The following LAPTM4A variants were observed in gnomAD, a reference collection of about 807,000 sequenced individuals.
LAPTM4A encodes the protein lysosomal protein transmembrane 4 alpha.
LAPTM4A carries 19 observed loss-of-function variants against 29.9 expected under a neutral mutation model. The observed-to-expected ratio is 0.64, with a 90% CI of 0.44 to 0.93. The LOEUF (loss-of-function observed/expected upper bound fraction) is 0.93, where lower values mean the gene tolerates loss of function less well. LAPTM4A is among the 40% of genes least tolerant of loss of function. LAPTM4A has a pLI of 0.00. For synonymous variants in LAPTM4A, 105 were observed against 102.1 expected, an observed-to-expected ratio of 1.03 and a Z score of -0.17; for missense variants, 293 against 288.5, an observed-to-expected ratio of 1.02 and a Z score of -0.11.
chr2:20,037,433 T>C lies in LAPTM4A; in HGVS notation c.315A>G (p.Gln105=). The change falls in exon 4 of 7, where the codon CAA becomes CAG. Residue 105 remains glutamine, a synonymous_variant. Coordinates refer to ENST00000175091, the MANE Select transcript of LAPTM4A (RefSeq NM_014713.5). ...SMLVYGAISY[Q]VGWLIPFFCY... is the part of the protein sequence containing the mutation. ...AGAAGAATGGAATCAGCCAACCCAC[T>C]TGATACTGGAGAAAAAATAACAACC... is the stretch of plus-strand genomic sequence containing the variant. 1 of 1,608,618 alleles carries C rather than the reference T, an allele frequency of 6.2e-7. No homozygotes were observed. The highest frequency in any genetic ancestry group is 8.5e-7 in the Non-Finnish European group (1 of 1,178,562).
intron 5 of LAPTM4A, 64 bp from the exon 6 acceptor site, chr2:20,034,479 C>T: frequency 8.9e-7 from 1 of 1,122,250 alleles, no homozygotes; most frequent in East Asian, 2.4e-5. Flanking sequence ...CTCTAAAATG[C>T]CAGTGACTTA....
intron 6 of LAPTM4A, 94 bp from the exon 7 acceptor site, chr2:20,033,373 T>C: frequency 1.0e-6 from 1 of 977,108 alleles, no homozygotes; most frequent in Non-Finnish European, 1.6e-6. Flanking sequence ...CTAAATAGGG[T>C]TATACAAAAC....
intron 2 of LAPTM4A, among the ~76,000 whole-genome samples, chr2:20,038,694 G>A (rs943012696): frequency 6.6e-6 from 1 of 152,084 alleles, no homozygotes; most frequent in African/African-American, 2.4e-5. Flanking sequence ...AGAAACTGGG[G>A]GGGATGGGCA....
chr2:20,046,677 G>A (rs971273623), intron 1 of LAPTM4A, among the ~76,000 whole-genome samples: 3 of 145,950 alleles, frequency 2.1e-5, no homozygotes, highest in African/African-American at 7.5e-5. Flanking sequence ...ATGTATGTAT[G>A]TGTGTGTGTA....
In LAPTM4A at chr2:20,051,539, T is replaced by C. The variant is rs760163403; in HGVS notation, c.-19A>G. The C allele has an allele frequency of 1.3e-6, 2 of 1,512,800 alleles. No individual in the cohort carries two copies. Among genetic ancestry groups the C allele is most frequent in the Non-Finnish European group, 1.8e-6 (2 of 1,105,222 alleles). The allele number at this position is 1,512,800 out of a possible 1,614,324, so 93.7% of individuals were successfully genotyped here. On this transcript the variant is annotated 5_prime_UTR_variant, in exon 1 of 7. Transcript: ENST00000175091. Reference sequence around the variant, plus strand: ...ACACCATCGTAACAGGCGGGCCTCCTTCTTGGCCGGGCCCCTGACAAACGT... The same window carrying C: ...ACACCATCGTAACAGGCGGGCCTCCCTCTTGGCCGGGCCCCTGACAAACGT...
rs1673597646 is a variant in LAPTM4A, at chr2:20,033,051, T to C, written c.*154A>G. 3 of 644,076 alleles carry C rather than the reference T, an allele frequency of 4.7e-6. No individual in the cohort carries two copies. The allele number at this position is 644,076 out of a possible 1,614,324, so 39.9% of individuals were successfully genotyped here. On this transcript the variant is annotated 3_prime_UTR_variant, in exon 7 of 7. Transcript: ENST00000175091. ...AAAAAACAAAAAGACGTTTAACAGA[T>C]GTCAAAAAGCTCCTTAGTGTTTGAA...
At chr2:20,046,735 A>C (rs1238966580) in intron 1 of LAPTM4A, among the ~76,000 whole-genome samples, 2 of 145,572 alleles carry the variant, frequency 1.4e-5, no homozygotes, top group African/African-American at 5.0e-5. Context: ...ATATATCTAT[A>C]TATAAATATA....
rs764206674 is a variant in LAPTM4A at position 20,051,485 on chromosome 2, G to T, written c.36C>A (p.Asp12Glu). Residue 12 changes from aspartate to glutamate, a missense_variant, in exon 1 of 7, where the codon GAC becomes GAA. Physicochemically the swap from Asp to Glu is conservative, Grantham distance 45. Transcript: ENST00000175091. ...VSMSFKRNRS[D>E]RFYSTRCCGC... ...CGCAGCACCGGGTGCTGTAGAACCG[G>T]TCACTGCGGTTCCGCTTGAAACTCA... The T allele has an allele frequency of 3.7e-6, 6 of 1,612,190 alleles. No individual in the cohort carries two copies. The highest frequency in any genetic ancestry group is 5.1e-6 in the Non-Finnish European group (6 of 1,179,194).
chr2:20,047,156 A>G (rs1389379255), intron 1 of LAPTM4A, among the ~76,000 whole-genome samples: 222 of 141,986 alleles, frequency 1.6e-3, no homozygotes, highest in Middle Eastern at 0.014. Context: ...TTGGGAGGCC[A>G]AGGCAGGCAG....
At chr2:20,046,761 T>G (rs191052029) in intron 1 of LAPTM4A, among the ~76,000 whole-genome samples, 1 of 143,818 alleles carries the variant, frequency 7.0e-6, no homozygotes, top group African/African-American at 2.5e-5. Flanking sequence ...TATAAATATA[T>G]ATATAATATA....
At chr2:20,050,553 A>G (rs1674031212) in intron 1 of LAPTM4A, among the ~76,000 whole-genome samples, 1 of 152,232 alleles carries the variant, frequency 6.6e-6, no homozygotes, top group South Asian at 2.1e-4. Flanking sequence ...GAAGTCATAG[A>G]CAAGTTAGGT....
Position 20,051,571 on chromosome 2 carries a change from C to T in LAPTM4A, c.-51G>A. 2 of 1,214,644 alleles carry T rather than the reference C, an allele frequency of 1.6e-6. No homozygotes were observed. Among genetic ancestry groups the T allele is most frequent in the Middle Eastern group, 1.9e-4 (1 of 5,280 alleles). 75.2% of individuals were successfully genotyped at this position (1,214,644 alleles called of 1,614,324 possible). ...CCGGGCCCCTGACAAACGTTCTCCA[C>T]CCGCAGCCAAACTCAAACGGCTGTT... is the stretch of plus-strand genomic sequence containing the variant. On this transcript the variant is annotated 5_prime_UTR_variant, in exon 1 of 7. It adds an upstream start codon to the 5' untranslated region. Coordinates refer to ENST00000175091, the MANE Select transcript of LAPTM4A (RefSeq NM_014713.5).
At chr2:20,049,438 CACA>C (rs768398176) in intron 1 of LAPTM4A, among the ~76,000 whole-genome samples, 1 of 152,188 alleles carries the variant, frequency 6.6e-6, no homozygotes, top group Non-Finnish European at 1.5e-5. Flanking sequence ...GAACCCTTCT[CACA>C]ACAAGGGCTT....
intron 4 of LAPTM4A, among the ~76,000 whole-genome samples, chr2:20,036,133 G>A (rs1673671656): frequency 3.3e-5 from 5 of 152,098 alleles, no homozygotes; most frequent in African/African-American, 7.2e-5. Context: ...TTTCTCCCCC[G>A]GAGATGACAT....
At position 20,037,433 on chromosome 2, in the gene LAPTM4A, T is replaced by G; in HGVS notation, c.315A>C (p.Gln105His). ...AGAAGAATGGAATCAGCCAACCCAC[T>G]TGATACTGGAGAAAAAATAACAACC... is the stretch of plus-strand genomic sequence containing the variant. The part of the protein sequence containing the change: ...SMLVYGAISY[Q>H]VGWLIPFFCY... Residue 105 changes from glutamine (Q) to histidine (H), a missense_variant, in exon 4 of 7, where the codon CAA (glutamine) becomes CAC (histidine). Physicochemically the swap from Gln to His is conservative, Grantham distance 24. Transcript: ENST00000175091. 1.2e-6 allele frequency: 2 copies of G among 1,608,618 alleles called. No individual in the cohort carries two copies. The highest frequency in any genetic ancestry group is 1.7e-6 in the Non-Finnish European group (2 of 1,178,562).
chr2:20,033,414 A>G (rs1673615498), intron 6 of LAPTM4A, 135 bp from the exon 7 acceptor site: 1 of 708,902 alleles, frequency 1.4e-6, no homozygotes. Context: ...ACTGTTAGCT[A>G]AAATGTTCCC....
intron 4 of LAPTM4A, 68 bp from the exon 5 acceptor site, chr2:20,035,130 GC>G: frequency 9.6e-7 from 1 of 1,041,660 alleles, no homozygotes; most frequent in Admixed American, 1.9e-5. Context: ...AACCTGAAGA[GC>G]ATCTGAAGAA....
chr2:20,040,862 AT>A (rs762596555), intron 2 of LAPTM4A, 28 bp downstream of exon 2: 51 of 1,604,524 alleles, frequency 3.2e-5, no homozygotes, highest in Non-Finnish European at 3.8e-5. Context: ...AGCAGGGGAG[AT>A]TTTTTTGTTT....
chr2:20,038,935 C>A (rs1210612303), intron 2 of LAPTM4A, among the ~76,000 whole-genome samples: 1 of 147,454 alleles, frequency 6.8e-6, no homozygotes, highest in Non-Finnish European at 1.5e-5. Flanking sequence ...TTTTTTTTTT[C>A]TTTGAGACAA....
Sources: allele counts gnomAD v4.1 joint callset (sites outside exome capture counted in the v4.1 genomes callset), GRCh38; gene constraint gnomAD v4.1.1; transcripts MANE v1.5; gene names NCBI Gene and HGNC (gene_info 2026-07-23, HGNC 2026-07-21).